CCSER1: variants seen among roughly 807,000 people sequenced by gnomAD.
CCSER1 encodes serine-rich coiled-coil domain-containing protein 1.
In CCSER1, 41 loss-of-function variants were observed where a neutral mutation model predicts 82.0. That is an observed-to-expected ratio of 0.50 (90% confidence interval 0.39 to 0.65). The LOEUF (loss-of-function observed/expected upper bound fraction) is 0.65, where lower values mean the gene tolerates loss of function less well. CCSER1 is among the 30% of genes least tolerant of loss of function. The pLI is 0.00. For missense variants in CCSER1, 1,119 were observed against 1,064.2 expected (o/e 1.05, Z -0.72); for synonymous variants, 414 against 383.9 (o/e 1.08, Z -0.92).
intron 1 of CCSER1, among the ~76,000 whole-genome samples, chr4:90,198,345 C>A (rs1696182093): frequency 6.6e-6 from 1 of 152,096 alleles, no homozygotes; most frequent in African/African-American, 2.4e-5. Flanking sequence ...GAAAAAGATA[C>A]CACTGCTTGT....
intron 3 of CCSER1, among the ~76,000 whole-genome samples, chr4:90,335,997 C>G (rs962856165): frequency 1.3e-5 from 2 of 152,202 alleles, no homozygotes; most frequent in Non-Finnish European, 2.9e-5. Flanking sequence ...CTCACCATTT[C>G]TATGCCATGG....
chr4:90,810,261 C>T (rs1008790198), intron 7 of CCSER1, among the ~76,000 whole-genome samples: 55 of 152,110 alleles, frequency 3.6e-4, no homozygotes, highest in African/African-American at 1.3e-3. Context: ...CATGGCCAGC[C>T]AAATTTGATC....
chr4:91,155,147 T>G (rs1461468554), intron 10 of CCSER1, among the ~76,000 whole-genome samples: 1 of 151,882 alleles, frequency 6.6e-6, no homozygotes, highest in Non-Finnish European at 1.5e-5. Flanking sequence ...TGTGATATGG[T>G]TTGGCTCTGT....
intron 8 of CCSER1, among the ~76,000 whole-genome samples, chr4:90,877,509 G>T (rs1767360445): frequency 6.6e-6 from 1 of 151,936 alleles, no homozygotes; most frequent in Non-Finnish European, 1.5e-5. Context: ...ATTCCTATTT[G>T]CCAGTCGAGG....
At chr4:90,625,754 A>T (rs986835504) in intron 5 of CCSER1, among the ~76,000 whole-genome samples, 2 of 152,216 alleles carry the variant, frequency 1.3e-5, no homozygotes, top group Non-Finnish European at 2.9e-5. Context: ...AAATGCCATC[A>T]TCTTTTCCTT....
intron 9 of CCSER1, among the ~76,000 whole-genome samples, chr4:91,002,575 G>A (rs1034152590): frequency 6.6e-6 from 1 of 152,056 alleles, no homozygotes; most frequent in South Asian, 2.1e-4. Flanking sequence ...TTCTATAAGT[G>A]CATCCATTCT....
intron 8 of CCSER1, among the ~76,000 whole-genome samples, chr4:90,890,434 C>G (rs1405402132): frequency 6.6e-6 from 1 of 152,092 alleles, no homozygotes; most frequent in Non-Finnish European, 1.5e-5. Context: ...ACATGTGCTC[C>G]AGGTGAATGC....
chr4:91,217,329 T>A (rs1325751681), intron 10 of CCSER1, among the ~76,000 whole-genome samples: 1 of 152,170 alleles, frequency 6.6e-6, no homozygotes, highest in Non-Finnish European at 1.5e-5. Context: ...GCCTGTTTTG[T>A]CAGGGCGCTG....
intron 9 of CCSER1, among the ~76,000 whole-genome samples, chr4:91,046,213 TTTGA>T (rs1375155924): frequency 6.6e-6 from 1 of 151,926 alleles, no homozygotes; most frequent in Non-Finnish European, 1.5e-5. Context: ...TCAATAACTG[TTTGA>T]TTATGTTTAA....
intron 10 of CCSER1, among the ~76,000 whole-genome samples, chr4:91,339,542 G>A (rs1054652425): frequency 3.3e-5 from 5 of 152,098 alleles, no homozygotes; most frequent in South Asian, 2.1e-4. Context: ...TTTGCTTTTC[G>A]CTGTGTTTGA....
chr4:90,225,020 T>A (rs989282876), intron 1 of CCSER1, among the ~76,000 whole-genome samples: 1 of 152,052 alleles, frequency 6.6e-6, no homozygotes, highest in African/African-American at 2.4e-5. Context: ...TTGGTTCTAC[T>A]CTTTCTGCTT....
intron 9 of CCSER1, among the ~76,000 whole-genome samples, chr4:90,988,718 A>T (rs1736786858): frequency 6.6e-6 from 1 of 151,794 alleles, no homozygotes; most frequent in Non-Finnish European, 1.5e-5. Flanking sequence ...TTTCATTTTC[A>T]TTATTGAAAC....
chr4:90,955,763 G>A (rs903164606), intron 9 of CCSER1, among the ~76,000 whole-genome samples: 1 of 151,984 alleles, frequency 6.6e-6, no homozygotes, highest in African/African-American at 2.4e-5. Context: ...TCCTGTCTTG[G>A]GGTATTTGTA....
At chr4:90,448,483 A>G (rs1392827267) in intron 4 of CCSER1, among the ~76,000 whole-genome samples, 1 of 129,012 alleles carries the variant, frequency 7.8e-6, no homozygotes, top group East Asian at 2.2e-4. Flanking sequence ...ATATATATAT[A>G]TAGCACTTTT....
At chr4:91,187,696 C>T (rs187080564) in intron 10 of CCSER1, among the ~76,000 whole-genome samples, 88 of 152,162 alleles carry the variant, frequency 5.8e-4, no homozygotes, top group African/African-American at 2.0e-3. Context: ...GTGTTACAAG[C>T]GTGCTGCTAC....
At chr4:91,175,832 G>C (rs62310724) in intron 10 of CCSER1, among the ~76,000 whole-genome samples, 6,996 of 152,204 alleles carry the variant, frequency 0.046, 217 homozygotes, top group African/African-American at 0.089. Context: ...AGTTTAATTA[G>C]ATCCCATTTG....
intron 1 of CCSER1, among the ~76,000 whole-genome samples, chr4:90,263,543 G>T (rs1724710005): frequency 6.6e-6 from 1 of 152,170 alleles, no homozygotes; most frequent in Non-Finnish European, 1.5e-5. Context: ...CCAGAGTACT[G>T]CAGGCAAAGT....
chr4:90,641,863 T>A (rs1726590521), intron 6 of CCSER1: 2 of 241,148 alleles, frequency 8.3e-6, no homozygotes, highest in Non-Finnish European at 1.8e-5. Flanking sequence ...TGTGGTAATC[T>A]ATTTGTGTTA....
intron 5 of CCSER1, among the ~76,000 whole-genome samples, chr4:90,545,428 T>C (rs1210387831): frequency 1.3e-5 from 2 of 152,114 alleles, no homozygotes; most frequent in Non-Finnish European, 2.9e-5. Context: ...TAACCATGAT[T>C]TATAATTTAA....
Sources: allele counts gnomAD v4.1 joint callset (sites outside exome capture counted in the v4.1 genomes callset), GRCh38; gene constraint gnomAD v4.1.1; transcripts MANE v1.5; gene names NCBI Gene and HGNC (gene_info 2026-07-23, HGNC 2026-07-21).